Variants in C10orf90 observed in about 807,000 individuals in gnomAD.
C10orf90 encodes the protein chromosome 10 open reading frame 90.
C10orf90 carries 56 observed loss-of-function variants against 62.5 expected under a neutral mutation model. That is an observed-to-expected ratio of 0.90 (90% CI 0.72 to 1.12). The LOEUF is 1.12. Among genes scored for constraint, C10orf90 ranks in the 50% most tolerant of loss-of-function variants. C10orf90 has a pLI of 0.00. For synonymous variants in C10orf90, 386 were observed against 340.4 expected (o/e 1.13, Z -1.47); for missense variants, 970 against 880.4 (o/e 1.10, Z -1.29).
intron 4 of C10orf90, chr10:126,470,144 T>C (rs1015452737): frequency 9.5e-6 from 4 of 418,910 alleles, no homozygotes; most frequent in Non-Finnish European, 1.9e-5. Context: ...AAAGGCATTC[T>C]TCTGTAGGTT....
intron 2 of C10orf90, among the ~76,000 whole-genome samples, chr10:126,519,867 C>A (rs11819200): frequency 0.13 from 20,459 of 152,046 alleles, 1,446 homozygotes; most frequent in South Asian, 0.28. Flanking sequence ...CCTGAGGGAC[C>A]AATCCAGCCG....
rs146694877 is a variant in C10orf90 at position 126,627,086 on chromosome 10, G to A, written c.313+19479C>T. Among the ~76,000 whole-genome samples, 543 of 140,218 alleles carry A rather than the reference G, an allele frequency of 3.9e-3. 4 individuals are homozygous for A. The highest frequency in any genetic ancestry group is 0.013 in the African/African-American group (493 of 37,226). The allele number at this position is 140,218 out of a possible 152,430, so 92.0% of individuals were successfully genotyped here. ...GCAATCTTGGCTCGCTGCAACCTCC[G>A]CATCCTGGATTGGAATGCTTCTCCT... On this transcript the variant is annotated intron_variant, in intron 2 of 9. Transcript: ENST00000488181.
At chr10:126,549,996 C>A (rs181171163) in intron 2 of C10orf90, among the ~76,000 whole-genome samples, 57 of 148,434 alleles carry the variant, frequency 3.8e-4, no homozygotes, top group African/African-American at 1.4e-3. Context: ...CTCTCTGTTA[C>A]CCAGGCTGGA....
intron 2 of C10orf90, among the ~76,000 whole-genome samples, chr10:126,641,915 A>G (rs1846066390): frequency 6.6e-6 from 1 of 152,170 alleles, no homozygotes; most frequent in Admixed American, 6.5e-5. Flanking sequence ...CACCCTTCCC[A>G]GTCTTGGAAT....
At chr10:126,515,737 G>T (rs1013860988) in intron 2 of C10orf90, among the ~76,000 whole-genome samples, 8 of 152,192 alleles carry the variant, frequency 5.3e-5, no homozygotes, top group African/African-American at 1.9e-4. Context: ...AAGTTTGGAA[G>T]ATTTGCAAAA....
chr10:126,428,839 A>G (rs1451988511), intron 8 of C10orf90, among the ~76,000 whole-genome samples: 2 of 152,150 alleles, frequency 1.3e-5, no homozygotes, highest in African/African-American at 2.4e-5. Flanking sequence ...AAAAACTCCA[A>G]TTAGAATGCT....
intron 7 of C10orf90, among the ~76,000 whole-genome samples, chr10:126,434,077 T>C (rs758100950): frequency 2.6e-4 from 39 of 152,224 alleles, no homozygotes; most frequent in Admixed American, 2.0e-3. Context: ...TATTGCTAAT[T>C]TAACTTGGTA....
chr10:126,641,428 G>A (rs1846055731), intron 2 of C10orf90, among the ~76,000 whole-genome samples: 1 of 152,006 alleles, frequency 6.6e-6, no homozygotes, highest in Admixed American at 6.6e-5. Flanking sequence ...GGTTGTAAAG[G>A]TCAGGTTAAA....
chr10:126,596,717 G>C (rs1845093991), intron 2 of C10orf90, among the ~76,000 whole-genome samples: 2 of 152,142 alleles, frequency 1.3e-5, no homozygotes, highest in African/African-American at 2.4e-5. Flanking sequence ...TAGTAAAATT[G>C]AGAAACAGAA....
chr10:126,454,268 C>A (rs1322470633), intron 7 of C10orf90, among the ~76,000 whole-genome samples: 1 of 151,568 alleles, frequency 6.6e-6, no homozygotes, highest in Admixed American at 6.6e-5. Flanking sequence ...GAAGATGTAT[C>A]CCTATGACTT....
intron 3 of C10orf90, among the ~76,000 whole-genome samples, chr10:126,508,235 A>T (rs1862891515): frequency 6.6e-6 from 1 of 151,854 alleles, no homozygotes; most frequent in Non-Finnish European, 1.5e-5. Context: ...AAAAATGCAG[A>T]TTTCTAGACC....
intron 2 of C10orf90, among the ~76,000 whole-genome samples, chr10:126,533,446 G>A (rs1864156216): frequency 6.6e-6 from 1 of 152,188 alleles, no homozygotes; most frequent in Non-Finnish European, 1.5e-5. Flanking sequence ...TAAACTCAAG[G>A]AAATCTGTCT....
At chr10:126,496,160 T>C (rs1862043835) in intron 4 of C10orf90, among the ~76,000 whole-genome samples, 1 of 152,222 alleles carries the variant, frequency 6.6e-6, no homozygotes, top group African/African-American at 2.4e-5. Context: ...TTTCTTTTAA[T>C]CTATTCCTGG....
At chr10:126,583,474 T>C (rs765551407) in intron 2 of C10orf90, among the ~76,000 whole-genome samples, 2 of 152,250 alleles carry the variant, frequency 1.3e-5, no homozygotes, top group Non-Finnish European at 2.9e-5. Flanking sequence ...TTAAAAGCTC[T>C]GAATTTATAT....
At chr10:126,501,044 C>T (rs1862350318) in intron 4 of C10orf90, among the ~76,000 whole-genome samples, 1 of 152,218 alleles carries the variant, frequency 6.6e-6, no homozygotes. Flanking sequence ...AGTAAGAAGA[C>T]TGCTAATAGC....
intron 2 of C10orf90, among the ~76,000 whole-genome samples, chr10:126,639,422 C>T (rs1846016574): frequency 6.6e-6 from 1 of 152,170 alleles, no homozygotes. Flanking sequence ...TCAGACCTGG[C>T]TCCTTTATTC....
At chr10:126,444,380 G>A (rs980357359) in intron 7 of C10orf90, among the ~76,000 whole-genome samples, 1 of 151,926 alleles carries the variant, frequency 6.6e-6, no homozygotes, top group Non-Finnish European at 1.5e-5. Context: ...CAACAAGAGC[G>A]ACCAAGCAGA....
intron 4 of C10orf90, among the ~76,000 whole-genome samples, chr10:126,496,467 A>G (rs1343335253): frequency 1.3e-5 from 2 of 152,220 alleles, no homozygotes; most frequent in East Asian, 1.9e-4. Flanking sequence ...AACATTGCTT[A>G]TATATTTTCT....
intron 3 of C10orf90, among the ~76,000 whole-genome samples, chr10:126,507,799 G>A (rs1862845048): frequency 6.6e-6 from 1 of 152,122 alleles, no homozygotes; most frequent in Admixed American, 6.5e-5. Flanking sequence ...AGCTTCCAGT[G>A]AGATTCCAGC....
Sources: gnomAD v4.1 joint callset for allele counts (sites outside exome capture counted in the v4.1 genomes callset) on GRCh38, gnomAD v4.1.1 for gene constraint, MANE v1.5 for transcripts, NCBI Gene and HGNC (gene_info 2026-07-23, HGNC 2026-07-21) for gene names.